The following IFT56 variants were observed in gnomAD, a reference collection of about 807,000 sequenced individuals.
IFT56 encodes the protein intraflagellar transport protein 56.
chr7:139,163,259 G>A, the IFT56 span, among the ~76,000 whole-genome samples: 1 of 147,112 alleles, frequency 6.8e-6, no homozygotes, highest in Non-Finnish European at 1.5e-5. Flanking sequence ...GGAGAATGGT[G>A]TGAACCCGGG....
the IFT56 span, chr7:139,191,728 T>C: frequency 3.3e-5 from 5 of 152,210 alleles, no homozygotes; most frequent in Non-Finnish European, 7.3e-5. Flanking sequence ...ACTTCTGAAA[T>C]GTCTTAACAG....
chr7:139,173,289 G>A, the IFT56 span: 2 of 444,648 alleles, frequency 4.5e-6, no homozygotes, highest in Non-Finnish European at 8.0e-6. Flanking sequence ...GTGCAGTGGT[G>A]TGATCTCGGC....
chr7:139,134,548 A>C, the IFT56 span: 1 of 1,285,298 alleles, frequency 7.8e-7, no homozygotes. Flanking sequence ...GATTACAGGC[A>C]TGAGCCACTG....
At chr7:139,187,373 T>C in the IFT56 span, 4 of 1,609,106 alleles carry the variant, frequency 2.5e-6, no homozygotes, top group Non-Finnish European at 3.4e-6. Flanking sequence ...ATCTCTTTAC[T>C]GCAAGTATTA....
the IFT56 span, chr7:139,189,580 C>G: frequency 5.0e-6 from 3 of 596,402 alleles, no homozygotes; most frequent in Non-Finnish European, 9.0e-6. Context: ...GACTGACTTG[C>G]TGAGACTTAG....
chr7:139,154,831 T>C, the IFT56 span, among the ~76,000 whole-genome samples: 1 of 152,194 alleles, frequency 6.6e-6, no homozygotes, highest in Non-Finnish European at 1.5e-5. Flanking sequence ...TGCAATTCAA[T>C]ATGAATTTTA....
the IFT56 span, among the ~76,000 whole-genome samples, chr7:139,136,665 C>T: frequency 7.9e-5 from 12 of 152,102 alleles, no homozygotes; most frequent in African/African-American, 1.7e-4. Context: ...ACAGGGGTCT[C>T]ACCATGTTGC....
chr7:139,137,648 T>C, the IFT56 span, among the ~76,000 whole-genome samples: 1 of 152,248 alleles, frequency 6.6e-6, no homozygotes, highest in Non-Finnish European at 1.5e-5. Flanking sequence ...AAGCCAAATA[T>C]GAAATACTTG....
chr7:139,155,588 ATTTTTGAATG>A, the IFT56 span, among the ~76,000 whole-genome samples: 2 of 152,118 alleles, frequency 1.3e-5, no homozygotes, highest in African/African-American at 2.4e-5. Context: ...ATATTAATTG[ATTTTTGAATG>A]TTAAACCACC....
chr7:139,139,020 G>T, the IFT56 span, among the ~76,000 whole-genome samples: 1 of 151,956 alleles, frequency 6.6e-6, no homozygotes, highest in Non-Finnish European at 1.5e-5. Flanking sequence ...CACCATGTTG[G>T]CCAGGATGGT....
At chr7:139,160,434 T>C in the IFT56 span, among the ~76,000 whole-genome samples, 40 of 86,920 alleles carry the variant, frequency 4.6e-4, no homozygotes, top group African/African-American at 5.2e-3. Context: ...GTCACTTAAC[T>C]TTTTTTTTTT....
At chr7:139,142,394 A>T in the IFT56 span, 1 of 1,148,054 alleles carries the variant, frequency 8.7e-7, no homozygotes, top group Non-Finnish European at 1.3e-6. Flanking sequence ...AGAGATATTT[A>T]ATTAGAAATT....
At chr7:139,184,101 C>A in the IFT56 span, among the ~76,000 whole-genome samples, 14 of 152,172 alleles carry the variant, frequency 9.2e-5, no homozygotes, top group Admixed American at 6.5e-5. Flanking sequence ...GTGATTTAAA[C>A]CACACAAGCC....
At chr7:139,153,816 T>A in the IFT56 span, among the ~76,000 whole-genome samples, 1 of 152,240 alleles carries the variant, frequency 6.6e-6, no homozygotes, top group African/African-American at 2.4e-5. Context: ...TGTAAGTTTT[T>A]GTTTGTATGT....
chr7:139,135,494 C>T, the IFT56 span, among the ~76,000 whole-genome samples: 1 of 152,124 alleles, frequency 6.6e-6, no homozygotes, highest in Admixed American at 6.6e-5. Context: ...TTCTAACATG[C>T]TTACGGTTGA....
At chr7:139,137,920 ACTAC>A in the IFT56 span, 1 of 1,612,984 alleles carries the variant, frequency 6.2e-7, no homozygotes, top group Non-Finnish European at 8.5e-7. Flanking sequence ...CACCTGGGTG[ACTAC>A]AAGAGAGCTC....
the IFT56 span, chr7:139,178,205 C>T: frequency 6.2e-7 from 1 of 1,605,680 alleles, no homozygotes. Flanking sequence ...TTTTTCCCCT[C>T]CGTTTCAGAT....
At chr7:139,158,311 C>T in the IFT56 span, among the ~76,000 whole-genome samples, 1 of 86,640 alleles carries the variant, frequency 1.2e-5, no homozygotes, top group Non-Finnish European at 1.8e-5. Flanking sequence ...TAGACGCCAT[C>T]TCAAAAAAAA....
chr7:139,165,655 C>A, the IFT56 span, among the ~76,000 whole-genome samples: 1 of 152,078 alleles, frequency 6.6e-6, no homozygotes, highest in Non-Finnish European at 1.5e-5. Context: ...TTTCTTTGTA[C>A]CCCAGGCTGC....
Sources: allele counts gnomAD v4.1 joint callset (sites outside exome capture counted in the v4.1 genomes callset), GRCh38; gene constraint gnomAD v4.1.1; transcripts MANE v1.5; gene names NCBI Gene and HGNC (gene_info 2026-07-23, HGNC 2026-07-21).